The following CADPS2 variants were observed in gnomAD, a reference collection of about 807,000 sequenced individuals.
CADPS2 encodes calcium-dependent secretion activator 2.
A neutral mutation model predicts 172.5 loss-of-function variants in CADPS2; 93 were observed. The ratio of observed to expected loss-of-function variants is 0.54; its 90% CI spans 0.46 to 0.64. The LOEUF (loss-of-function observed/expected upper bound fraction) is 0.64. Ranked by LOEUF, CADPS2 falls within the 30% of genes least tolerant of loss-of-function variation. The pLI is 0.00. For missense variants in CADPS2, 1,420 were observed against 1,565.9 expected (o/e 0.91, Z 1.57); for synonymous variants, 546 against 555.2 (o/e 0.98, Z 0.23).
chr7:122,753,777 G>A (rs564169669), intron 1 of CADPS2, among the ~76,000 whole-genome samples: 49 of 152,106 alleles, frequency 3.2e-4, no homozygotes, highest in African/African-American at 4.6e-4. Context: ...ACACACGAAC[G>A]CTTGCATGCT....
intron 9 of CADPS2, among the ~76,000 whole-genome samples, chr7:122,495,521 T>A (rs1313895834): frequency 6.6e-6 from 1 of 152,222 alleles, no homozygotes; most frequent in African/African-American, 2.4e-5. Context: ...ATATAAATAT[T>A]GTTACTTGAA....
At chr7:122,438,281 T>G in intron 17 of CADPS2, 60 bp downstream of exon 17, 1 of 1,601,874 alleles carries the variant, frequency 6.2e-7, no homozygotes, top group Non-Finnish European at 8.5e-7. Context: ...TCATAGAAAA[T>G]TCAGTTACTA....
chr7:122,797,963 T>A lies in CADPS2; in HGVS notation c.340-60895A>T, dbSNP rs368216153. Among the ~76,000 whole-genome samples the A allele has an allele frequency of 5.3e-5, 8 of 152,258 alleles. No homozygotes were observed. The East Asian group carries it at 9.6e-4, about 18-fold the overall frequency. On this transcript the variant is annotated intron_variant, in intron 1 of 29. Transcript: ENST00000449022. ...GATTTGCATTATTTTGAGTTATACATGTTTATTTAATATTTGTGTCAAGTT... is the reference window on the plus strand; with the variant it reads ...GATTTGCATTATTTTGAGTTATACAAGTTTATTTAATATTTGTGTCAAGTT...
At chr7:122,796,455 C>A (rs1231606676) in intron 1 of CADPS2, among the ~76,000 whole-genome samples, 1 of 152,210 alleles carries the variant, frequency 6.6e-6, no homozygotes, top group African/African-American at 2.4e-5. Flanking sequence ...CACTACCCAA[C>A]TTCAAACTAT....
In CADPS2 at chr7:122,413,588, A is replaced by G. The variant is rs543666114; in HGVS notation, c.2589+480T>C. On this transcript the variant is annotated intron_variant, in intron 19 of 29. Transcript: ENST00000449022. ...TTGAAGGTCTCTTTGAGGCAGATAC[A>G]TTAACCTCCACCAAGGGAGCTGAGC... 4.4e-4 allele frequency among the ~76,000 whole-genome samples: 67 copies of G among 152,328 alleles called. 1 individual carries two copies. Among genetic ancestry groups the G allele is most frequent in the Non-Finnish European group, 8.7e-4 (59 of 68,032 alleles).
intron 3 of CADPS2, 113 bp from the exon 4 acceptor site, chr7:122,629,441 T>A: frequency 3.5e-6 from 2 of 574,652 alleles, no homozygotes; most frequent in Non-Finnish European, 5.6e-6. Flanking sequence ...TGAAAAATGT[T>A]TAATAGATTG....
chr7:122,518,699 G>GT (rs200940863), intron 8 of CADPS2, among the ~76,000 whole-genome samples: 73 of 151,216 alleles, frequency 4.8e-4, no homozygotes, highest in African/African-American at 1.7e-3. Context: ...ACTCAAAGAA[G>GT]TTTTTTTTTA....
Position 122,886,213 on chromosome 7 carries a change from C to T in CADPS2, c.125G>A (p.Arg42Gln), listed in dbSNP as rs1212843243. 4.1e-6 allele frequency: 6 copies of T among 1,475,712 alleles called. No homozygotes were observed. The highest frequency in any genetic ancestry group is 5.3e-6 in the Non-Finnish European group (6 of 1,122,856). 91.4% of individuals were successfully genotyped at this position (1,475,712 alleles called of 1,614,324 possible). ...APPAPTREGRRDAPGRAGGGG... is the reference protein window; with the variant it reads ...APPAPTREGRQDAPGRAGGGG... ...GCCGCCCGCGCGCCCCGGCGCGTCC[C>T]GCCGCCCTTCCCGAGTCGGGGCTGG... Residue 42 changes from arginine (R) to glutamine (Q), a missense_variant, in exon 1 of 30, where the codon CGG becomes CAG. Physicochemically the swap from Arg to Gln is conservative, Grantham distance 43. Coordinates refer to ENST00000449022, the MANE Select transcript of CADPS2 (RefSeq NM_017954.11).
chr7:122,406,628 G>C (rs930890980), intron 20 of CADPS2, among the ~76,000 whole-genome samples: 1 of 152,178 alleles, frequency 6.6e-6, no homozygotes, highest in African/African-American at 2.4e-5. Flanking sequence ...CAATGGGCAC[G>C]AAAACCCTAT....
intron 6 of CADPS2, among the ~76,000 whole-genome samples, chr7:122,601,017 G>A (rs1025611424): frequency 7.2e-5 from 11 of 152,056 alleles, no homozygotes; most frequent in Non-Finnish European, 1.3e-4. Flanking sequence ...TTTTTTAAAT[G>A]TGGATAATGA....
chr7:122,767,495 T>C (rs1372199631), intron 1 of CADPS2, among the ~76,000 whole-genome samples: 1 of 152,200 alleles, frequency 6.6e-6, no homozygotes, highest in East Asian at 1.9e-4. Flanking sequence ...AATGTTAAGC[T>C]TCTCGGTTGG....
intron 1 of CADPS2, among the ~76,000 whole-genome samples, chr7:122,830,967 T>A (rs1806362054): frequency 6.6e-6 from 1 of 152,110 alleles, no homozygotes; most frequent in Non-Finnish European, 1.5e-5. Flanking sequence ...AGGATTTGAG[T>A]GGAAACAGGA....
intron 1 of CADPS2, among the ~76,000 whole-genome samples, chr7:122,800,254 A>G (rs1797320314): frequency 1.3e-5 from 2 of 152,348 alleles, no homozygotes; most frequent in African/African-American, 4.8e-5. Context: ...ATATTTTGAT[A>G]TATGTAGAAT....
chr7:122,801,524 TCAC>T (rs1460569469), intron 1 of CADPS2, among the ~76,000 whole-genome samples: 3 of 152,210 alleles, frequency 2.0e-5, no homozygotes, highest in African/African-American at 4.8e-5. Flanking sequence ...CTAGCACAAA[TCAC>T]CACATGTAAT....
At chr7:122,585,451 C>G (rs1329048873) in intron 6 of CADPS2, 3 of 141,850 alleles carry the variant, frequency 2.1e-5, no homozygotes, top group Non-Finnish European at 3.0e-5. Context: ...CCAAACCCCA[C>G]TCAACAAAGG....
At chr7:122,386,198 T>C in intron 24 of CADPS2, 2 of 879,060 alleles carry the variant, frequency 2.3e-6, no homozygotes, top group Non-Finnish European at 3.2e-6. Context: ...AATAAATTTA[T>C]ATAATTTTAA....
At chr7:122,425,605 C>A (rs2049067587) in intron 17 of CADPS2, among the ~76,000 whole-genome samples, 1 of 151,466 alleles carries the variant, frequency 6.6e-6, no homozygotes. Flanking sequence ...GACCCTGTCT[C>A]AAAAAAGACT....
intron 2 of CADPS2, among the ~76,000 whole-genome samples, chr7:122,696,888 C>A (rs1213506961): frequency 6.6e-6 from 1 of 151,934 alleles, no homozygotes. Flanking sequence ...TACTCGAGTG[C>A]CAGGAACTCT....
intron 7 of CADPS2, among the ~76,000 whole-genome samples, chr7:122,568,119 C>T (rs553408525): frequency 6.6e-5 from 10 of 152,114 alleles, no homozygotes; most frequent in African/African-American, 2.2e-4. Context: ...AAGCTGGGGG[C>T]TGGGCACAGT....
Sources: allele counts gnomAD v4.1 joint callset (sites outside exome capture counted in the v4.1 genomes callset), GRCh38; gene constraint gnomAD v4.1.1; transcripts MANE v1.5; gene names NCBI Gene and HGNC (gene_info 2026-07-23, HGNC 2026-07-21).